The following KMT2D variants were observed in gnomAD, a reference collection of about 807,000 sequenced individuals.
KMT2D encodes the protein histone-lysine N-methyltransferase 2D.
A neutral mutation model predicts 512.7 loss-of-function variants in KMT2D; 55 were observed. The observed-to-expected ratio is 0.11, with a 90% CI of 0.09 to 0.13. The LOEUF (loss-of-function observed/expected upper bound fraction) is 0.13, where lower values mean the gene tolerates loss of function less well. Ranked by LOEUF, KMT2D falls within the 10% of genes least tolerant of loss-of-function variation. The probability of loss-of-function intolerance (pLI) is 1.00; values close to 1 mark genes in which losing one functional copy is unlikely to be tolerated. For missense variants in KMT2D, 6,061 were observed against 7,127.9 expected, an observed-to-expected ratio of 0.85 and a Z score of 5.39; for synonymous variants, 2,995 against 2,904.0, an observed-to-expected ratio of 1.03 and a Z score of -1.01.
rs2120568709 is a variant in KMT2D at position 49,043,439 on chromosome 12, G to C, written c.5468-11C>G. The stretch of plus-strand genomic sequence containing the variant: ...CTGGACCATCATCTCCTATGAGCAA[G>C]AGTCCCCCCTCCAATCAGAGATGTC... On this transcript the variant is annotated splice_polypyrimidine_tract_variant and intron_variant, in intron 24 of 54. Coordinates refer to ENST00000301067, the MANE Select transcript of KMT2D (RefSeq NM_003482.4). 1.9e-6 allele frequency: 3 copies of C among 1,613,786 alleles called. No individual in the cohort carries two copies. Among genetic ancestry groups the C allele is most frequent in the Non-Finnish European group, 2.5e-6 (3 of 1,179,736 alleles).
chr12:49,034,984 G>C (rs555595382), intron 35 of KMT2D, 49 bp from the exon 36 acceptor site: 2 of 1,604,434 alleles, frequency 1.2e-6, no homozygotes, highest in African/African-American at 1.3e-5. Flanking sequence ...CAATGCTCCA[G>C]TGAATATCTG....
Position 49,032,976 on chromosome 12 carries a change from T to C in KMT2D, c.11729A>G (p.Gln3910Arg). The change falls in exon 40 of 55, where the codon CAG becomes CGG. Residue 3910 changes from glutamine (Q) to arginine (R), a missense_variant. Physicochemically the swap from Gln to Arg is conservative, Grantham distance 43. Around this residue, in one of 16 missense-constraint regions of KMT2D, gnomAD observed 1,600 missense variants for 1,754.9 expected, o/e 0.91. Coordinates refer to ENST00000301067, the MANE Select transcript of KMT2D (RefSeq NM_003482.4). ...CTGCTGCTGCTGCTGCTGAAGTTGC[T>C]GTTGCTGTTGCAGCTGCTGCTGCTG... Reference protein sequence around the residue: ...LQQQQQLQQQQQLQQQQQQQL... With the variant: ...LQQQQQLQQQRQLQQQQQQQL... 6.5e-7 allele frequency: 1 copy of C among 1,550,304 alleles called. No individual in the cohort carries two copies. Among genetic ancestry groups the C allele is most frequent in the East Asian group, 2.5e-5 (1 of 40,330 alleles).
In KMT2D at chr12:49,041,152, AG is replaced by A; in HGVS notation, c.6617del (p.Pro2206LeufsTer58). 6.6e-7 allele frequency: 1 copy of A among 1,522,822 alleles called. No individual in the cohort carries two copies. Among genetic ancestry groups the A allele is most frequent in the Non-Finnish European group, 8.8e-7 (1 of 1,138,896 alleles). The allele number at this position is 1,522,822 out of a possible 1,614,324, so 94.3% of individuals were successfully genotyped here. A position where few individuals can be genotyped will look rare whatever the true frequency, so the allele number is the denominator to read the frequency against. ...YPPYPSPTGAPAQPPMLGASS... is the reference protein window; with the variant it reads ...YPPYPSPTGAXAQPPMLGASS... The stretch of plus-strand genomic sequence containing the variant: ...AGGCGCCCAGCATCGGGGGCTGCGC[AG>A]GGGCCCCCGTAGGACTAGGATAGGG... On this transcript the variant is annotated frameshift_variant, in exon 32 of 55. Transcript: ENST00000301067. LOFTEE classifies it high-confidence loss of function. The surrounding 1 kb of genome is among the most constrained non-coding windows in gnomAD (Gnocchi z 5.4).
rs2120388808 is a variant in KMT2D at position 49,028,973 on chromosome 12, G to C, written c.14252-15C>G. The C allele has an allele frequency of 6.2e-7, 1 of 1,613,424 alleles. No homozygotes were observed. Among genetic ancestry groups the C allele is most frequent in the Admixed American group, 1.7e-5 (1 of 59,960 alleles). The stretch of plus-strand genomic sequence containing the variant: ...ATCTGGGAAGACTGAATGAGAAAGA[G>C]GAATTTGTGTAACACTTGGCCGCCT... On this transcript the variant is annotated splice_polypyrimidine_tract_variant and intron_variant, in intron 45 of 54. Coordinates refer to ENST00000301067, the MANE Select transcript of KMT2D (RefSeq NM_003482.4).
In KMT2D at chr12:49,033,954, T is replaced by C. The variant is rs1943085431; in HGVS notation, c.10751A>G (p.Gln3584Arg). The C allele has an allele frequency of 1.3e-6, 2 of 1,532,460 alleles. No individual in the cohort carries two copies. Among genetic ancestry groups the C allele is most frequent in the Non-Finnish European group, 1.8e-6 (2 of 1,138,860 alleles). 94.9% of individuals were successfully genotyped at this position (1,532,460 alleles called of 1,614,324 possible). The change falls in exon 40 of 55, where the codon CAG becomes CGG. Residue 3584 changes from glutamine to arginine, a missense_variant. Transcript: ENST00000301067. ...CATGAGATTAGTGTGCTCCTTCTGC[T>C]GTTTCCGGACCTAACATGGGAGGGT... ...IQKQLDQVRK[Q>R]QKEHTNLMAE...
chr12:49,030,531 A>C (rs1942847405), intron 42 of KMT2D, 70 bp downstream of exon 42: 1 of 1,491,106 alleles, frequency 6.7e-7, no homozygotes. Context: ...AATTCCCTCA[A>C]GTTTTCTATT....
Position 49,039,184 on chromosome 12 carries a change from C to A in KMT2D, c.8366+38G>T. On this transcript the variant is annotated intron_variant, in intron 34 of 54. Transcript: ENST00000301067. This position sits in a 1 kb window ranked among gnomAD's most constrained non-coding sequence, Gnocchi z 5.0. Reference sequence around the variant, plus strand: ...CTTCCAACAGTGATAAAATCCATCCCCCTTGGTTTACCCCCAGGGAACCTC... The same window carrying A: ...CTTCCAACAGTGATAAAATCCATCCACCTTGGTTTACCCCCAGGGAACCTC... The A allele has an allele frequency of 6.2e-7, 1 of 1,610,454 alleles. No individual in the cohort carries two copies. Among genetic ancestry groups the A allele is most frequent in the Non-Finnish European group, 8.5e-7 (1 of 1,178,398 alleles).
At position 49,027,783 on chromosome 12, in the gene KMT2D, T is replaced by A; in HGVS notation, c.14643+20A>T. On this transcript the variant is annotated intron_variant, in intron 48 of 54. Transcript: ENST00000301067. ...GCCCCTTTTTTCTAACACCCACCCC[T>A]TTTTCTCCCCCAGACCTACCTGTTT... The A allele has an allele frequency of 1.3e-6, 2 of 1,553,072 alleles. No homozygotes were observed. The highest frequency in any genetic ancestry group is 1.7e-6 in the Non-Finnish European group (2 of 1,147,596).
rs1430495148 is a variant in KMT2D, at chr12:49,033,047, C to T, written c.11658G>A (p.Gln3886=). 3.2e-6 allele frequency: 5 copies of T among 1,551,574 alleles called. No homozygotes were observed. Among genetic ancestry groups the T allele is most frequent in the Non-Finnish European group, 4.4e-6 (5 of 1,146,958 alleles). ...LQQSLMSHSG[Q]PKLSAQPMGS... is the part of the protein sequence containing the mutation. ...CCATGGGCTGAGCGCTCAGTTTGGG[C>T]TGCCCACTGTGTGACATCAGACTCT... The change falls in exon 40 of 55, where the codon CAG becomes CAA. Residue 3886 remains glutamine (Q), a synonymous_variant. Coordinates refer to ENST00000301067, the MANE Select transcript of KMT2D (RefSeq NM_003482.4).
chr12:49,030,505 C>T, intron 42 of KMT2D, 66 bp from the exon 43 acceptor site: 1 of 1,425,518 alleles, frequency 7.0e-7, no homozygotes, highest in South Asian at 1.3e-5. Flanking sequence ...ATCTCCTGGC[C>T]CCACTCTACG....
chr12:49,041,578 G>GC lies in KMT2D; in HGVS notation c.6235-44dup. On this transcript the variant is annotated intron_variant, in intron 31 of 54. Transcript: ENST00000301067. This position sits in a 1 kb window ranked among gnomAD's most constrained non-coding sequence, Gnocchi z 5.4. ...GCATAGGGCAGTCAGGCTGCTGCAG[G>GC]CAGGCCCCATGGCCCTCCACCCTCA... is the stretch of plus-strand genomic sequence containing the variant. 2 of 1,612,548 alleles carry GC rather than the reference G, an allele frequency of 1.2e-6. No individual in the cohort carries two copies. Among genetic ancestry groups the GC allele is most frequent in the Non-Finnish European group, 8.5e-7 (1 of 1,179,186 alleles).
At position 49,031,867 on chromosome 12, in the gene KMT2D, C is replaced by G. The variant is rs1354142859; in HGVS notation, c.12838G>C (p.Gly4280Arg). ...CGGGGTGGGCCCTGAGGTCGAGGCCCTGCCCCTAGCTCCTGGAGGGGGCCT... is the reference window on the plus strand; with the variant it reads ...CGGGGTGGGCCCTGAGGTCGAGGCCGTGCCCCTAGCTCCTGGAGGGGGCCT... ...QTGPLQELGA[G>R]PRPQGPPRLP... Residue 4280 changes from glycine to arginine, a missense_variant, in exon 40 of 55, where the codon GGG becomes CGG. This residue lies in a region of KMT2D where 1,600 missense variants were observed against 1,754.9 expected (regional missense o/e 0.91). Transcript: ENST00000301067. 6.5e-7 allele frequency: 1 copy of G among 1,536,070 alleles called. No homozygotes were observed. The highest frequency in any genetic ancestry group is 1.4e-5 in the African/African-American group (1 of 72,312).
At chr12:49,043,246 CCA>C in intron 25 of KMT2D, 60 bp from the exon 26 acceptor site, 2 of 1,536,248 alleles carry the variant, frequency 1.3e-6, no homozygotes, top group Middle Eastern at 1.7e-4. Context: ...CCACTCTGAA[CCA>C]CAGAGGGCCA....
chr12:49,025,293 C>T (rs1200925756), intron 49 of KMT2D, among the ~76,000 whole-genome samples: 1 of 152,202 alleles, frequency 6.6e-6, no homozygotes, highest in Non-Finnish European at 1.5e-5. Context: ...GAGCCAAATA[C>T]AGTCACGTGC....
At chr12:49,048,790 G>T in intron 13 of KMT2D, 21 bp from the exon 14 acceptor site, 1 of 1,504,380 alleles carries the variant, frequency 6.6e-7, no homozygotes, top group Non-Finnish European at 9.2e-7. Flanking sequence ...GAGAGTTATG[G>T]AAAGTGAGGC....
rs770226699 is a variant in KMT2D, at chr12:49,046,567, C to T, written c.4418+42G>A. 24 of 1,587,740 alleles carry T rather than the reference C, an allele frequency of 1.5e-5. No individual in the cohort carries two copies. Among genetic ancestry groups the T allele is most frequent in the Non-Finnish European group, 2.0e-5 (23 of 1,163,670 alleles). On this transcript the variant is annotated intron_variant, in intron 16 of 54. Transcript: ENST00000301067. The surrounding 1 kb of genome is among the most constrained non-coding windows in gnomAD (Gnocchi z 4.2). The stretch of plus-strand genomic sequence containing the variant: ...CTCAACATCATATCCACTTTAACAT[C>T]TCAAGGCCCCAGGGCTCCACTGAAG...
At position 49,046,716 on chromosome 12, in the gene KMT2D, G is replaced by A. The variant is rs754428432; in HGVS notation, c.4311C>T (p.Ser1437=). ...CACAGAGCAGCAGGCGTGAGGGGTCGGAGGCCTGGCCACACACCTCACACA... is the reference window on the plus strand; with the variant it reads ...CACAGAGCAGCAGGCGTGAGGGGTCAGAGGCCTGGCCACACACCTCACACA... The part of the protein sequence containing the change: ...CIVCEVCGQA[S]DPSRLLLCDD... Residue 1437 remains serine (S), a synonymous_variant, in exon 16 of 55, where the codon TCC becomes TCT. Transcript: ENST00000301067. The surrounding 1 kb of genome is among the most constrained non-coding windows in gnomAD (Gnocchi z 4.2). 21 of 1,613,748 alleles carry A rather than the reference G, an allele frequency of 1.3e-5. No homozygotes were observed. Among genetic ancestry groups the A allele is most frequent in the Admixed American group, 1.7e-5 (1 of 59,986 alleles).
Position 49,033,009 on chromosome 12 carries a change from T to C in KMT2D, c.11696A>G (p.Gln3899Arg), listed in dbSNP as rs1243634732. 1 of 1,551,440 alleles carries C rather than the reference T, an allele frequency of 6.4e-7. No individual in the cohort carries two copies. Among genetic ancestry groups the C allele is most frequent in the South Asian group, 1.2e-5 (1 of 84,048 alleles). The change falls in exon 40 of 55, where the codon CAG (glutamine) becomes CGG (arginine). Residue 3899 changes from glutamine (Q) to arginine (R), a missense_variant. Transcript: ENST00000301067. ...TTGCAGCTGCTGCTGCTGCTGAAGC[T>C]GCTGTAAAGAGCCCATGGGCTGAGC... is the stretch of plus-strand genomic sequence containing the variant. ...LSAQPMGSLQ[Q>R]LQQQQQLQQQ...
At chr12:49,053,101 AT>A (rs1407313666) in intron 8 of KMT2D, 29 bp from the exon 9 acceptor site, 1 of 1,613,902 alleles carries the variant, frequency 6.2e-7, no homozygotes, top group Non-Finnish European at 8.5e-7. Context: ...CAAAACAGGC[AT>A]TGGTCAGACA....
Sources: allele counts gnomAD v4.1 joint callset (sites outside exome capture counted in the v4.1 genomes callset), GRCh38; gene constraint gnomAD v4.1.1; regional missense constraint gnomAD v4.1.1; non-coding constraint Gnocchi (gnomAD v3.1); transcripts MANE v1.5; gene names NCBI Gene and HGNC (gene_info 2026-07-23, HGNC 2026-07-21).